SLC4A4: variants seen among roughly 807,000 people sequenced by gnomAD.
SLC4A4 encodes electrogenic sodium bicarbonate cotransporter 1.
A neutral mutation model predicts 111.5 loss-of-function variants in SLC4A4; 27 were observed. That is an observed-to-expected ratio of 0.24 (90% CI 0.18 to 0.33). The LOEUF (loss-of-function observed/expected upper bound fraction) is 0.33. Among genes scored for constraint, SLC4A4 ranks in the 10% least tolerant of loss-of-function variants. The probability of loss-of-function intolerance (pLI) is 1.00; values close to 1 mark genes in which losing one functional copy is unlikely to be tolerated. For synonymous variants in SLC4A4, 443 were observed against 463.4 expected (o/e 0.96, Z 0.57); for missense variants, 909 against 1,315.5 (o/e 0.69, Z 4.78).
intron 6 of SLC4A4, among the ~76,000 whole-genome samples, chr4:71,391,050 G>T (rs573016374): frequency 3.9e-5 from 6 of 152,064 alleles, no homozygotes; most frequent in Non-Finnish European, 8.8e-5. Flanking sequence ...AAAGGAAGAA[G>T]AAAGAACATC....
At chr4:71,301,840 T>G (rs1725287054) in intron 3 of SLC4A4, among the ~76,000 whole-genome samples, 1 of 152,222 alleles carries the variant, frequency 6.6e-6, no homozygotes, top group African/African-American at 2.4e-5. Context: ...GTCTTCCATG[T>G]GCCGCTGCAG....
intron 2 of SLC4A4, among the ~76,000 whole-genome samples, chr4:71,100,835 C>G (rs763689007): frequency 6.6e-6 from 1 of 152,140 alleles, no homozygotes; most frequent in Admixed American, 6.5e-5. Context: ...GAAGACAGTC[C>G]CATTCACAAT....
At position 71,405,382 on chromosome 4, in the gene SLC4A4, T is replaced by G. The variant is rs576411758; in HGVS notation, c.807+7729T>G. On this transcript the variant is annotated intron_variant, in intron 7 of 25. Transcript: ENST00000264485. ...TAATAAAAATGTGATTGTATTGTTC[T>G]AAAATTTGATTTTTTTAAACTAACA... is the stretch of plus-strand genomic sequence containing the variant. Among the ~76,000 whole-genome samples the G allele has an allele frequency of 7.2e-5, 11 of 152,264 alleles. No homozygotes were observed. The South Asian group carries it at 2.3e-3, about 32-fold the overall frequency.
chr4:71,271,075 G>A (rs1277113967), intron 3 of SLC4A4, among the ~76,000 whole-genome samples: 2 of 152,148 alleles, frequency 1.3e-5, no homozygotes, highest in Non-Finnish European at 2.9e-5. Flanking sequence ...ACGTTTGCCT[G>A]CAGGGGTCCT....
At chr4:71,453,215 A>G (rs1227850838) in intron 11 of SLC4A4, among the ~76,000 whole-genome samples, 2 of 152,198 alleles carry the variant, frequency 1.3e-5, no homozygotes, top group Admixed American at 1.3e-4. Context: ...TCTCTAGGCA[A>G]TGAAACATTT....
intron 2 of SLC4A4, among the ~76,000 whole-genome samples, chr4:71,239,906 C>A (rs973721756): frequency 6.6e-6 from 1 of 152,100 alleles, no homozygotes; most frequent in African/African-American, 2.4e-5. Flanking sequence ...TTCAGATATT[C>A]ATATTTATTT....
chr4:71,121,963 C>T (rs1195131337), intron 2 of SLC4A4, among the ~76,000 whole-genome samples: 1 of 152,072 alleles, frequency 6.6e-6, no homozygotes, highest in African/African-American at 2.4e-5. Flanking sequence ...GAATGAACAA[C>T]TCCAGACGCG....
At chr4:71,405,843 A>G (rs1264050520) in intron 7 of SLC4A4, among the ~76,000 whole-genome samples, 1 of 152,168 alleles carries the variant, frequency 6.6e-6, no homozygotes, top group Non-Finnish European at 1.5e-5. Context: ...TCAGAAGCTT[A>G]AAGTATAGAG....
intron 2 of SLC4A4, among the ~76,000 whole-genome samples, chr4:71,245,495 T>C (rs910463054): frequency 9.2e-5 from 14 of 151,980 alleles, no homozygotes; most frequent in Non-Finnish European, 1.9e-4. Context: ...GATGTATGGA[T>C]GGGGATGGCT....
At chr4:71,238,153 A>G (rs184530314) in intron 2 of SLC4A4, among the ~76,000 whole-genome samples, 31 of 152,322 alleles carry the variant, frequency 2.0e-4, no homozygotes, top group African/African-American at 7.5e-4. Context: ...CAATTGAAGT[A>G]GAAAAAGCTT....
At chr4:71,294,560 G>C (rs947514851) in intron 3 of SLC4A4, among the ~76,000 whole-genome samples, 2 of 152,202 alleles carry the variant, frequency 1.3e-5, no homozygotes, top group Non-Finnish European at 2.9e-5. Flanking sequence ...AAGTGTGCCT[G>C]TTAGGAGAGC....
chr4:71,383,756 A>C (rs1718394678), intron 6 of SLC4A4, among the ~76,000 whole-genome samples: 1 of 152,072 alleles, frequency 6.6e-6, no homozygotes, highest in African/African-American at 2.4e-5. Context: ...TTTCCATTTT[A>C]CTACCTTTTC....
At position 71,415,790 on chromosome 4, in the gene SLC4A4, C is replaced by A. The variant is rs141894750; in HGVS notation, c.807+18137C>A. 2.3e-4 allele frequency among the ~76,000 whole-genome samples: 35 copies of A among 152,278 alleles called. No individual in the cohort carries two copies. In the East Asian group the frequency reaches 6.6e-3, roughly 29 times the overall value. On this transcript the variant is annotated intron_variant, in intron 7 of 25. Transcript: ENST00000264485. ...TTCTGCCTTTTAATTTTTCTCAAAT[C>A]TGTCTTCAACATTCAGTCCCACTGA...
At chr4:71,150,310 A>T (rs1460828418) in intron 2 of SLC4A4, among the ~76,000 whole-genome samples, 1 of 152,012 alleles carries the variant, frequency 6.6e-6, no homozygotes, top group African/African-American at 2.4e-5. Context: ...TCTGGGGAGA[A>T]CCAAGAGCCA....
At chr4:71,303,319 G>T (rs948039668) in intron 3 of SLC4A4, among the ~76,000 whole-genome samples, 1 of 152,204 alleles carries the variant, frequency 6.6e-6, no homozygotes, top group Non-Finnish European at 1.5e-5. Flanking sequence ...AGCCCAAATG[G>T]CATTTGCACA....
intron 1 of SLC4A4, among the ~76,000 whole-genome samples, chr4:71,090,288 ATC>A (rs1365585307): frequency 1.3e-5 from 2 of 152,140 alleles, no homozygotes; most frequent in Non-Finnish European, 2.9e-5. Flanking sequence ...TCCAGGTGTC[ATC>A]TGTCACCCCT....
chr4:71,421,307 C>G (rs936157829), intron 7 of SLC4A4, among the ~76,000 whole-genome samples: 14 of 152,142 alleles, frequency 9.2e-5, no homozygotes, highest in African/African-American at 3.1e-4. Flanking sequence ...ATATATGCAC[C>G]CAATACAGGA....
intron 3 of SLC4A4, among the ~76,000 whole-genome samples, chr4:71,297,336 C>G (rs915336745): frequency 6.6e-6 from 1 of 152,146 alleles, no homozygotes; most frequent in Non-Finnish European, 1.5e-5. Context: ...CCTGTTACTA[C>G]CCCTGAGCAC....
intron 1 of SLC4A4, among the ~76,000 whole-genome samples, chr4:71,193,137 G>T (rs969343653): frequency 6.6e-6 from 1 of 152,180 alleles, no homozygotes; most frequent in Admixed American, 6.5e-5. Flanking sequence ...TGGCCATTAT[G>T]AATAGTGATG....
Sources: gnomAD v4.1 joint callset for allele counts (sites outside exome capture counted in the v4.1 genomes callset) on GRCh38, gnomAD v4.1.1 for gene constraint, MANE v1.5 for transcripts, NCBI Gene and HGNC (gene_info 2026-07-23, HGNC 2026-07-21) for gene names.